OSBPL3: variants seen among roughly 807,000 people sequenced by gnomAD.
The protein encoded by OSBPL3 is oxysterol binding protein like 3, also known as oxysterol-binding protein-related protein 3.
OSBPL3 carries 65 observed loss-of-function variants against 120.1 expected under a neutral mutation model. That is an observed-to-expected ratio of 0.54 (90% CI 0.44 to 0.67). The LOEUF is 0.67. Ranked by LOEUF, OSBPL3 falls within the 30% of genes least tolerant of loss-of-function variation. The probability of loss-of-function intolerance (pLI) is 0.00; values close to 1 mark genes in which losing one functional copy is unlikely to be tolerated. For synonymous variants in OSBPL3, 416 were observed against 402.6 expected (o/e 1.03, Z -0.40); for missense variants, 1,004 against 1,082.1 (o/e 0.93, Z 1.01).
chr7:24,976,835 G>T (rs1817641479), intron 1 of OSBPL3, among the ~76,000 whole-genome samples: 1 of 152,184 alleles, frequency 6.6e-6, no homozygotes. Flanking sequence ...AGACTCTTAT[G>T]CAGGGGGAAA....
At chr7:24,944,500 C>T (rs532510559) in intron 1 of OSBPL3, among the ~76,000 whole-genome samples, 8 of 152,044 alleles carry the variant, frequency 5.3e-5, no homozygotes, top group South Asian at 2.1e-4. Context: ...CATGGTGGCA[C>T]GTACCTGTAA....
intron 16 of OSBPL3, among the ~76,000 whole-genome samples, chr7:24,825,571 T>C (rs572487980): frequency 1.3e-5 from 2 of 152,376 alleles, no homozygotes; most frequent in East Asian, 1.9e-4. Context: ...ATTTGATTTA[T>C]TGCTGGTTTT....
Position 24,815,390 on chromosome 7 carries a change from T to A in OSBPL3, c.2028-187A>T, listed in dbSNP as rs1407436279. Among the ~76,000 whole-genome samples, 1 of 152,226 alleles carries A rather than the reference T, an allele frequency of 6.6e-6. No individual in the cohort carries two copies. Among genetic ancestry groups the A allele is most frequent in the African/African-American group, 2.4e-5 (1 of 41,450 alleles). ...GGAGCTTCCACTCTCCAAGGAGGCA[T>A]GCATGCCACAGAGAATGACAGCATT... On this transcript the variant is annotated intron_variant, in intron 18 of 22. Coordinates refer to ENST00000313367, the MANE Select transcript of OSBPL3 (RefSeq NM_015550.4). This position sits in a 1 kb window ranked among gnomAD's most constrained non-coding sequence, Gnocchi z 5.1.
intron 1 of OSBPL3, among the ~76,000 whole-genome samples, chr7:24,923,080 G>A (rs145362871): frequency 3.1e-3 from 476 of 152,256 alleles, no homozygotes; most frequent in Non-Finnish European, 5.3e-3. Flanking sequence ...CCAATTAAGC[G>A]AATCTTCCTC....
chr7:24,929,668 G>GC (rs1811544783), intron 1 of OSBPL3, among the ~76,000 whole-genome samples: 1 of 151,976 alleles, frequency 6.6e-6, no homozygotes, highest in African/African-American at 2.4e-5. Context: ...CTCCCTCCTT[G>GC]CCTGCTGCTT....
At chr7:24,961,011 T>C (rs1351056886) in intron 1 of OSBPL3, among the ~76,000 whole-genome samples, 1 of 152,186 alleles carries the variant, frequency 6.6e-6, no homozygotes, top group Non-Finnish European at 1.5e-5. Flanking sequence ...ATAATTAAAC[T>C]TCGAAATAAT....
Position 24,863,150 on chromosome 7 carries a change from C to T in OSBPL3, c.870+50G>A. On this transcript the variant is annotated intron_variant, in intron 9 of 22. Coordinates refer to ENST00000313367, the MANE Select transcript of OSBPL3 (RefSeq NM_015550.4). The surrounding 1 kb of genome is among the most constrained non-coding windows in gnomAD (Gnocchi z 5.8). ...AAGGTAGCTGCTGGCACACGGCATG[C>T]AGAGCAGGGCCAATGAAGAAACCAG... The T allele has an allele frequency of 1.5e-6, 2 of 1,322,016 alleles. No individual in the cohort carries two copies. The highest frequency in any genetic ancestry group is 2.2e-6 in the Non-Finnish European group (2 of 913,478). The allele number at this position is 1,322,016 out of a possible 1,614,324, so 81.9% of individuals were successfully genotyped here. A position where few individuals can be genotyped will look rare whatever the true frequency, so the allele number is the denominator to read the frequency against.
chr7:24,812,512 C>T (rs993160796), intron 19 of OSBPL3, among the ~76,000 whole-genome samples: 2 of 152,086 alleles, frequency 1.3e-5, no homozygotes, highest in African/African-American at 2.4e-5. Flanking sequence ...CAGTTCCACA[C>T]TGCAGCCAGC....
intron 19 of OSBPL3, 101 bp from the exon 20 acceptor site, chr7:24,810,052 G>T: frequency 7.9e-7 from 1 of 1,258,626 alleles, no homozygotes; most frequent in Non-Finnish European, 1.1e-6. Context: ...CTGTAAGAGT[G>T]GCTCCATACT....
At position 24,972,985 on chromosome 7, in the gene OSBPL3, C is replaced by A. The variant is rs1197313084; in HGVS notation, c.-150+6901G>T. 6.6e-6 allele frequency among the ~76,000 whole-genome samples: 1 copy of A among 152,024 alleles called. No individual in the cohort carries two copies. The highest frequency in any genetic ancestry group is 1.5e-5 in the Non-Finnish European group (1 of 68,018). ...ATGTTACATTGAGGAAAGTATCTGA[C>A]CCACACAATACTAAAAATAAAGATT... On this transcript the variant is annotated intron_variant, in intron 1 of 22. Coordinates refer to ENST00000313367, the MANE Select transcript of OSBPL3 (RefSeq NM_015550.4). The surrounding 1 kb of genome is among the most constrained non-coding windows in gnomAD (Gnocchi z 4.3).
chr7:24,815,316 T>G lies in OSBPL3; in HGVS notation c.2028-113A>C. 2 of 807,610 alleles carry G rather than the reference T, an allele frequency of 2.5e-6. No homozygotes were observed. Among genetic ancestry groups the G allele is most frequent in the Non-Finnish European group, 4.0e-6 (2 of 500,348 alleles). The allele number at this position is 807,610 out of a possible 1,614,324, so 50.0% of individuals were successfully genotyped here. A position where few individuals can be genotyped will look rare whatever the true frequency, so the allele number is the denominator to read the frequency against. ...ATGCAATGCATTATTCATCTCTTTA[T>G]TCACAGAAGCAACACTGGCTAAGTG... On this transcript the variant is annotated intron_variant, in intron 18 of 22. Coordinates refer to ENST00000313367, the MANE Select transcript of OSBPL3 (RefSeq NM_015550.4). This position sits in a 1 kb window ranked among gnomAD's most constrained non-coding sequence, Gnocchi z 5.1.
Position 24,898,083 on chromosome 7 carries a change from C to G in OSBPL3, c.-149-5462G>C, listed in dbSNP as rs1806440277. On this transcript the variant is annotated intron_variant, in intron 1 of 22. Transcript: ENST00000313367. The surrounding 1 kb of genome is among the most constrained non-coding windows in gnomAD (Gnocchi z 4.3). ...TGGTCTTTAATAAAATAAAATTATT[C>G]AAATCCAAGTTATGCATCTTTTTAC... is the stretch of plus-strand genomic sequence containing the variant. Among the ~76,000 whole-genome samples, 2 of 152,136 alleles carry G rather than the reference C, an allele frequency of 1.3e-5. No individual in the cohort carries two copies. Among genetic ancestry groups the G allele is most frequent in the South Asian group, 4.1e-4 (2 of 4,826 alleles).
chr7:24,811,018 A>G (rs895100856), intron 19 of OSBPL3, among the ~76,000 whole-genome samples: 1 of 152,158 alleles, frequency 6.6e-6, no homozygotes, highest in Non-Finnish European at 1.5e-5. Context: ...TGACATACTG[A>G]TTTCATTTCC....
Position 24,866,248 on chromosome 7 carries a change from T to C in OSBPL3, c.382-11A>G. On this transcript the variant is annotated splice_polypyrimidine_tract_variant and intron_variant, in intron 5 of 22. Transcript: ENST00000313367. ...TTCTTCTGACTTGACCTATAATATA[T>C]TCGATTGAAAAAAGGAAACAAGAGA... 1 of 1,590,304 alleles carries C rather than the reference T, an allele frequency of 6.3e-7. No individual in the cohort carries two copies. Among genetic ancestry groups the C allele is most frequent in the Non-Finnish European group, 8.6e-7 (1 of 1,159,588 alleles).
At chr7:24,860,410 C>A (rs554621303) in intron 10 of OSBPL3, among the ~76,000 whole-genome samples, 1 of 152,144 alleles carries the variant, frequency 6.6e-6, no homozygotes, top group African/African-American at 2.4e-5. Flanking sequence ...AATTGAATCA[C>A]GGGGGTGGCT....
Position 24,872,154 on chromosome 7 carries a change from T to G in OSBPL3, c.97-85A>C, listed in dbSNP as rs1332431015. 4.2e-6 allele frequency: 4 copies of G among 954,732 alleles called. No homozygotes were observed. Among genetic ancestry groups the G allele is most frequent in the South Asian group, 1.4e-5 (1 of 73,116 alleles). The allele number at this position is 954,732 out of a possible 1,614,324, so 59.1% of individuals were successfully genotyped here. A position where few individuals can be genotyped will look rare whatever the true frequency, so the allele number is the denominator to read the frequency against. ...AAAGCACTGCATCCTGTCAGTAAAT[T>G]TATTCAAGATGGGGAGGCTGGCTGG... On this transcript the variant is annotated intron_variant, in intron 2 of 22. Coordinates refer to ENST00000313367, the MANE Select transcript of OSBPL3 (RefSeq NM_015550.4). This position sits in a 1 kb window ranked among gnomAD's most constrained non-coding sequence, Gnocchi z 4.1.
intron 1 of OSBPL3, among the ~76,000 whole-genome samples, chr7:24,904,625 G>A (rs10270354): frequency 0.014 from 2,065 of 152,196 alleles, 51 homozygotes; most frequent in African/African-American, 0.048. Flanking sequence ...CACCGAACCA[G>A]TACCCCATAC....
chr7:24,846,373 T>C (rs1798449236), intron 12 of OSBPL3, among the ~76,000 whole-genome samples: 1 of 152,378 alleles, frequency 6.6e-6, no homozygotes. Flanking sequence ...TTCTCTTGTT[T>C]CTCAAATGAA....
chr7:24,979,537 G>T (rs1053279105), intron 1 of OSBPL3, among the ~76,000 whole-genome samples: 8 of 152,182 alleles, frequency 5.3e-5, no homozygotes, highest in Admixed American at 2.0e-4. Flanking sequence ...TAGCCCCGGC[G>T]TAGCGCCTCC....
Sources: allele counts gnomAD v4.1 joint callset (sites outside exome capture counted in the v4.1 genomes callset), GRCh38; gene constraint gnomAD v4.1.1; non-coding constraint Gnocchi (gnomAD v3.1); transcripts MANE v1.5; gene names NCBI Gene and HGNC (gene_info 2026-07-23, HGNC 2026-07-21).